MGAT4C: variants seen among roughly 807,000 people sequenced by gnomAD.
MGAT4C encodes the protein alpha-1,3-mannosyl-glycoprotein 4-beta-N-acetylglucosaminyltransferase C.
MGAT4C carries 19 observed loss-of-function variants against 40.1 expected under a neutral mutation model. The observed-to-expected ratio is 0.47, with a 90% CI of 0.33 to 0.70. MGAT4C has a LOEUF of 0.70. Ranked by LOEUF, MGAT4C falls within the 30% of genes least tolerant of loss-of-function variation. MGAT4C has a pLI of 0.02. For synonymous variants in MGAT4C, 181 were observed against 187.1 expected, an observed-to-expected ratio of 0.97 and a Z score of 0.27; for missense variants, 491 against 563.2, an observed-to-expected ratio of 0.87 and a Z score of 1.30.
At chr12:86,784,932 C>A (rs1951906557) in intron 1 of MGAT4C, among the ~76,000 whole-genome samples, 1 of 151,876 alleles carries the variant, frequency 6.6e-6, no homozygotes, top group Non-Finnish European at 1.5e-5. Context: ...ATATGGGAAA[C>A]CATATCAGTT....
chr12:86,464,303 T>A (rs531355156), intron 2 of MGAT4C, among the ~76,000 whole-genome samples: 1 of 152,312 alleles, frequency 6.6e-6, no homozygotes, highest in East Asian at 1.9e-4. Context: ...GCAAACTGTT[T>A]ACTTAAAACA....
intron 3 of MGAT4C, among the ~76,000 whole-genome samples, chr12:86,387,727 T>C (rs1592775840): frequency 6.6e-6 from 1 of 152,162 alleles, no homozygotes; most frequent in Non-Finnish European, 1.5e-5. Flanking sequence ...ATGACTTCTG[T>C]AGCCCTAAAG....
chr12:86,193,724 C>T lies in MGAT4C; in HGVS notation c.-57+62515G>A, dbSNP rs1332053146. Among the ~76,000 whole-genome samples the T allele has an allele frequency of 4.6e-5, 7 of 152,086 alleles. No homozygotes were observed. The East Asian group carries it at 1.3e-3, about 29-fold the overall frequency. On this transcript the variant is annotated intron_variant, in intron 1 of 4. Coordinates refer to ENST00000611864, the MANE Select transcript of MGAT4C (RefSeq NM_001351288.2). ...TCCATTGCTTATGTTATAAAGTCAG[C>T]TATAGATGACATTGTTGCTGTTTCA...
rs985938029 is a variant in MGAT4C, at chr12:86,516,079, A to AT, written c.-228-80815dup. Among the ~76,000 whole-genome samples, 866 of 151,028 alleles carry AT rather than the reference A, an allele frequency of 5.7e-3. 5 individuals carry two copies. The highest frequency in any genetic ancestry group is 0.017 in the African/African-American group (693 of 41,196). On this transcript the variant is annotated intron_variant, in intron 2 of 7. Coordinates refer to the MGAT4C transcript ENST00000548651. ...AATTCTTATCAAAATCCTAGCCAAC[A>AT]TTTTTTTTTCCCAGAAACTGAAAAG...
intron 2 of MGAT4C, among the ~76,000 whole-genome samples, chr12:86,531,683 ATTTAT>A (rs1489622398): frequency 2.0e-5 from 3 of 151,926 alleles, no homozygotes; most frequent in Non-Finnish European, 4.4e-5. Context: ...GCCAGATGCA[ATTTAT>A]TTTATTTTAT....
At chr12:86,404,081 G>C (rs910075712) in intron 3 of MGAT4C, among the ~76,000 whole-genome samples, 2 of 152,082 alleles carry the variant, frequency 1.3e-5, no homozygotes, top group Non-Finnish European at 2.9e-5. Context: ...TACTCGAGAG[G>C]CTGACACAGG....
intron 3 of MGAT4C, among the ~76,000 whole-genome samples, chr12:86,359,939 C>A (rs1955418563): frequency 6.6e-6 from 1 of 152,098 alleles, no homozygotes; most frequent in South Asian, 2.1e-4. Context: ...GAAACTATTC[C>A]AATTAATAGA....
intron 2 of MGAT4C, among the ~76,000 whole-genome samples, chr12:86,454,981 G>A (rs1957487694): frequency 6.6e-6 from 1 of 151,810 alleles, no homozygotes; most frequent in Non-Finnish European, 1.5e-5. Context: ...CAAAGAGGCT[G>A]GTGCTGCTTT....
intron 1 of MGAT4C, among the ~76,000 whole-genome samples, chr12:86,123,946 G>C (rs1375106050): frequency 1.3e-5 from 2 of 151,988 alleles, no homozygotes; most frequent in Non-Finnish European, 2.9e-5. Flanking sequence ...GAAAAAAATA[G>C]TCCCATTGTT....
chr12:86,627,847 A>T (rs1285577131), intron 2 of MGAT4C, among the ~76,000 whole-genome samples: 1 of 151,096 alleles, frequency 6.6e-6, no homozygotes, highest in Non-Finnish European at 1.5e-5. Context: ...CCTCCAAAGG[A>T]TTGCAGCTCC....
chr12:86,773,438 T>C (rs968178156), intron 1 of MGAT4C, among the ~76,000 whole-genome samples: 3 of 152,064 alleles, frequency 2.0e-5, no homozygotes, highest in Non-Finnish European at 2.9e-5. Flanking sequence ...AGAAAATAAA[T>C]TTATACTTTT....
chr12:86,187,450 A>G (rs1888880748), intron 1 of MGAT4C, among the ~76,000 whole-genome samples: 1 of 152,048 alleles, frequency 6.6e-6, no homozygotes. Context: ...TGTCCGAAAC[A>G]GGGTCTTCAT....
At chr12:86,103,707 C>G (rs777810627) in intron 1 of MGAT4C, among the ~76,000 whole-genome samples, 27 of 152,196 alleles carry the variant, frequency 1.8e-4, no homozygotes, top group Non-Finnish European at 2.9e-4. Flanking sequence ...GCCATCATCT[C>G]AAGATGGGGA....
chr12:86,128,495 G>A (rs1320189237), intron 1 of MGAT4C, among the ~76,000 whole-genome samples: 1 of 152,098 alleles, frequency 6.6e-6, no homozygotes, highest in Non-Finnish European at 1.5e-5. Context: ...CTCCTGCCAT[G>A]ATTCTGAGGA....
rs192377025 is a variant in MGAT4C at position 86,624,257 on chromosome 12, C to G, written c.-229+102952G>C. ...GGGACTCTGAGTACCCCAACATATA[C>G]AAGGGAATCTAAAGTTGACACATAC... On this transcript the variant is annotated intron_variant, in intron 2 of 7. Coordinates refer to the MGAT4C transcript ENST00000548651. 1.7e-3 allele frequency among the ~76,000 whole-genome samples: 263 copies of G among 152,236 alleles called. 1 individual carries two copies. Among genetic ancestry groups the G allele is most frequent in the African/African-American group, 6.1e-3 (252 of 41,540 alleles).
intron 1 of MGAT4C, among the ~76,000 whole-genome samples, chr12:86,115,561 C>T (rs1247774562): frequency 6.6e-6 from 1 of 151,958 alleles, no homozygotes; most frequent in African/African-American, 2.4e-5. Flanking sequence ...AAGGTAAATA[C>T]AACTCTAAGT....
At chr12:86,225,909 T>G (rs1439774809) in intron 1 of MGAT4C, among the ~76,000 whole-genome samples, 1 of 151,966 alleles carries the variant, frequency 6.6e-6, no homozygotes, top group Non-Finnish European at 1.5e-5. Flanking sequence ...TTTTCAGCAC[T>G]TGTATTAAAC....
intron 2 of MGAT4C, among the ~76,000 whole-genome samples, chr12:86,625,951 C>A (rs976432289): frequency 6.6e-6 from 1 of 151,848 alleles, no homozygotes; most frequent in Non-Finnish European, 1.5e-5. Context: ...GAATGTTAGA[C>A]AGAATAAAAA....
intron 4 of MGAT4C, among the ~76,000 whole-genome samples, chr12:86,290,587 TTAA>T (rs1953484763): frequency 6.6e-6 from 1 of 152,194 alleles, no homozygotes. Context: ...CCCTTGGTGA[TTAA>T]AATGAAAACA....
Sources: gnomAD v4.1 joint callset for allele counts (sites outside exome capture counted in the v4.1 genomes callset) on GRCh38, gnomAD v4.1.1 for gene constraint, MANE v1.5 for transcripts, NCBI Gene and HGNC (gene_info 2026-07-23, HGNC 2026-07-21) for gene names.